Variants in RNF212B observed in about 807,000 individuals in gnomAD.
The protein encoded by RNF212B is ring finger protein 212B, also known as E3 ubiquitin-protein ligase RNF212B.
Under a neutral mutation model 55.5 loss-of-function variants are expected in RNF212B, and 52 were observed. The observed-to-expected ratio is 0.94, with a 90% CI of 0.75 to 1.18. RNF212B has a LOEUF of 1.18. Ranked by LOEUF, RNF212B falls within the 50% of genes most tolerant of loss-of-function variation. RNF212B has a pLI of 0.00. For missense variants in RNF212B, 289 were observed against 350.4 expected (o/e 0.82, Z 1.40); for synonymous variants, 99 against 121.4 (o/e 0.82, Z 1.21).
chr14:23,271,428 G>A (rs1277223171), intron 14 of RNF212B, among the ~76,000 whole-genome samples: 1 of 150,946 alleles, frequency 6.6e-6, no homozygotes, highest in African/African-American at 2.4e-5. Context: ...GGGCAGCAGA[G>A]TGAGACTCCA....
chr14:23,242,098 A>AG lies in RNF212B; in HGVS notation c.101-1158_101-1157insG, dbSNP rs57941268. On this transcript the variant is annotated intron_variant, in intron 2 of 14. Coordinates refer to ENST00000430154, the MANE Select transcript of RNF212B (RefSeq NM_001282322.3). ...CTCCGTCTCAAAAAAAAAAAAAAAA[A>AG]AAAAAAAAAGAAAAGAAAAAGAAAA... Among the ~76,000 whole-genome samples the AG allele has an allele frequency of 4.8e-4, 60 of 126,094 alleles. 1 individual carries two copies. Among genetic ancestry groups the AG allele is most frequent in the African/African-American group, 1.6e-3 (53 of 33,258 alleles). 82.7% of individuals were successfully genotyped at this position (126,094 alleles called of 152,430 possible).
chr14:23,209,050 GC>G (rs1237196989), intron 2 of RNF212B, among the ~76,000 whole-genome samples: 1 of 152,204 alleles, frequency 6.6e-6, no homozygotes, highest in Non-Finnish European at 1.5e-5. Flanking sequence ...GAGCCACCGT[GC>G]CCGGCCTGGT....
At chr14:23,241,871 C>T (rs1339447992) in intron 2 of RNF212B, among the ~76,000 whole-genome samples, 2 of 151,048 alleles carry the variant, frequency 1.3e-5, no homozygotes, top group Non-Finnish European at 3.0e-5. Flanking sequence ...ATCACAAGGT[C>T]GGGAGATTGA....
intron 2 of RNF212B, among the ~76,000 whole-genome samples, chr14:23,211,788 A>T (rs10130376): frequency 0.72 from 109,231 of 152,138 alleles, 39,656 homozygotes; most frequent in African/African-American, 0.82. Context: ...AGTGGTGCAA[A>T]CTTGGCTCAC....
chr14:23,245,166 T>C (rs1883899216), intron 4 of RNF212B, among the ~76,000 whole-genome samples: 1 of 152,166 alleles, frequency 6.6e-6, no homozygotes, highest in Non-Finnish European at 1.5e-5. Context: ...AAAATACCCC[T>C]TTTCTAAACC....
chr14:23,271,551 C>G (rs1028377683), intron 14 of RNF212B, among the ~76,000 whole-genome samples: 2 of 151,394 alleles, frequency 1.3e-5, no homozygotes, highest in African/African-American at 4.9e-5. Context: ...CTTTTTCACT[C>G]CAAGCTCCTG....
Position 23,210,503 on chromosome 14 carries a change from C to T in RNF212B, c.-2+17102C>T, listed in dbSNP as rs188309925. 3.5e-3 allele frequency among the ~76,000 whole-genome samples: 535 copies of T among 152,100 alleles called. 5 individuals carry two copies. Among genetic ancestry groups the T allele is most frequent in the African/African-American group, 0.012 (503 of 41,496 alleles). ...ACATAGAAATGTAGGATGGGGTGGG[C>T]GTGGTGGCTCACGCCTATAATCCCA... On this transcript the variant is annotated intron_variant, in intron 2 of 15. Transcript: ENST00000399910.
chr14:23,231,787 G>A (rs1182422261), intron 2 of RNF212B, among the ~76,000 whole-genome samples: 2 of 152,162 alleles, frequency 1.3e-5, no homozygotes, highest in Non-Finnish European at 2.9e-5. Context: ...TTGCAGGCAC[G>A]CGCCGCCACG....
intron 8 of RNF212B, 104 bp from the exon 9 acceptor site, chr14:23,262,824 A>G (rs1177360113): frequency 2.3e-5 from 34 of 1,455,298 alleles, no homozygotes; most frequent in Non-Finnish European, 3.2e-5. Context: ...TATGTGTAAT[A>G]TGAAAACATT....
At chr14:23,187,466 A>G (rs1405975627) in intron 1 of RNF212B, among the ~76,000 whole-genome samples, 2 of 152,146 alleles carry the variant, frequency 1.3e-5, no homozygotes, top group Non-Finnish European at 2.9e-5. Context: ...CTCCCGCCTC[A>G]GCCTCCCGAG....
chr14:23,267,501 TC>T (rs1471543687), intron 11 of RNF212B, among the ~76,000 whole-genome samples: 1 of 152,100 alleles, frequency 6.6e-6, no homozygotes, highest in Non-Finnish European at 1.5e-5. Context: ...AAATCTTGGC[TC>T]ACTGCAACCT....
chr14:23,194,745 A>G (rs1477517476), intron 2 of RNF212B, among the ~76,000 whole-genome samples: 1 of 151,370 alleles, frequency 6.6e-6, no homozygotes, highest in African/African-American at 2.4e-5. Context: ...AAAAAAAAAA[A>G]AAAAAAAAAA....
chr14:23,268,829 T>G, intron 11 of RNF212B, 95 bp from the exon 12 acceptor site: 5 of 1,054,250 alleles, frequency 4.7e-6, no homozygotes, highest in Non-Finnish European at 7.1e-6. Flanking sequence ...ACTAAAAATC[T>G]TTTATCTCCA....
chr14:23,217,252 T>TGGG (rs1413821000), intron 2 of RNF212B, among the ~76,000 whole-genome samples: 10 of 16,316 alleles, frequency 6.1e-4, no homozygotes, highest in African/African-American at 3.1e-3. Flanking sequence ...GTGGTGGCAG[T>TGGG]GGTGGGGGGG....
intron 2 of RNF212B, among the ~76,000 whole-genome samples, chr14:23,208,782 G>A (rs1397443182): frequency 1.8e-4 from 8 of 44,742 alleles, no homozygotes; most frequent in East Asian, 7.7e-4. Flanking sequence ...TTTTTGAGAC[G>A]GAGTCTCACT....
At chr14:23,229,311 A>G (rs570439995) in intron 2 of RNF212B, among the ~76,000 whole-genome samples, 1 of 133,268 alleles carries the variant, frequency 7.5e-6, no homozygotes, top group African/African-American at 2.8e-5. Context: ...TGTTGTTTCT[A>G]TCTTTTGGTT....
At chr14:23,243,330 A>G in intron 3 of RNF212B, 22 bp downstream of exon 3, 1 of 1,541,484 alleles carries the variant, frequency 6.5e-7, no homozygotes, top group Middle Eastern at 1.7e-4. Flanking sequence ...TCCCCCTGCC[A>G]CAAACTGTCT....
chr14:23,195,990 TACA>T (rs1390359409), intron 2 of RNF212B, among the ~76,000 whole-genome samples: 1 of 152,148 alleles, frequency 6.6e-6, no homozygotes, highest in Non-Finnish European at 1.5e-5. Flanking sequence ...AGAAAAAAGG[TACA>T]ACATTCTTTT....
At chr14:23,253,410 T>C (rs761802838) in intron 4 of RNF212B, among the ~76,000 whole-genome samples, 10 of 152,192 alleles carry the variant, frequency 6.6e-5, no homozygotes, top group Non-Finnish European at 1.3e-4. Context: ...GTCTATAGAG[T>C]TGTTCACAGT....
Sources: gnomAD v4.1 joint callset for allele counts (sites outside exome capture counted in the v4.1 genomes callset) on GRCh38, gnomAD v4.1.1 for gene constraint, MANE v1.5 for transcripts, NCBI Gene and HGNC (gene_info 2026-07-23, HGNC 2026-07-21) for gene names.